EIF3J: variants seen among roughly 807,000 people sequenced by gnomAD.
EIF3J encodes the protein eukaryotic translation initiation factor 3 subunit J.
Under a neutral mutation model 39.0 loss-of-function variants are expected in EIF3J, and 15 were observed. The observed-to-expected ratio is 0.38, with a 90% CI of 0.26 to 0.59. EIF3J has a LOEUF of 0.59. Ranked by LOEUF, EIF3J falls within the 20% of genes least tolerant of loss-of-function variation. The pLI, the probability that EIF3J is intolerant of heterozygous loss-of-function variation, is 0.60. For missense variants in EIF3J, 226 were observed against 308.6 expected (o/e 0.73, Z 2.00); for synonymous variants, 98 against 112.9 (o/e 0.87, Z 0.84).
intron 2 of EIF3J, among the ~76,000 whole-genome samples, chr15:44,543,276 G>T (rs562622922): frequency 6.2e-4 from 94 of 152,222 alleles, no homozygotes; most frequent in Non-Finnish European, 1.0e-3. Context: ...TTCTTTAGGG[G>T]CTTAGTGCTA....
At chr15:44,540,004 A>G (rs2081997671) in intron 2 of EIF3J, among the ~76,000 whole-genome samples, 1 of 145,882 alleles carries the variant, frequency 6.9e-6, no homozygotes. Context: ...CCGTGGCACG[A>G]TCTTGGCTCA....
At position 44,562,734 on chromosome 15, in the gene EIF3J, C is replaced by G. The variant is rs760360481; in HGVS notation, c.*1585C>G. On this transcript the variant is annotated 3_prime_UTR_variant, in exon 8 of 8. Transcript: ENST00000261868. ...TATTTTATTACAGAAAGATCAGTTT[C>G]TAACAAATGAAAATGTATCACCTGT... 1 of 177,134 alleles carries G rather than the reference C, an allele frequency of 5.6e-6. No homozygotes were observed. The highest frequency in any genetic ancestry group is 2.4e-5 in the African/African-American group (1 of 41,868). The allele number at this position is 177,134 out of a possible 1,614,324, so 11.0% of individuals were successfully genotyped here. A position where few individuals can be genotyped will look rare whatever the true frequency, so the allele number is the denominator to read the frequency against.
At chr15:44,556,373 G>T (rs747527897) in intron 5 of EIF3J, among the ~76,000 whole-genome samples, 1 of 151,998 alleles carries the variant, frequency 6.6e-6, no homozygotes, top group Non-Finnish European at 1.5e-5. Flanking sequence ...AAAGGTTCTT[G>T]CTCAGTCATC....
chr15:44,548,682 A>G (rs550097522), intron 2 of EIF3J, among the ~76,000 whole-genome samples: 7 of 152,302 alleles, frequency 4.6e-5, no homozygotes, highest in East Asian at 1.9e-4. Flanking sequence ...TTCTTGCTCT[A>G]TTATCCTGGG....
At chr15:44,545,119 TG>T (rs1241346611) in intron 2 of EIF3J, among the ~76,000 whole-genome samples, 1 of 152,198 alleles carries the variant, frequency 6.6e-6, no homozygotes, top group Admixed American at 6.5e-5. Flanking sequence ...CTTCTCTTTA[TG>T]AGATTCCCAG....
At chr15:44,552,007 G>T (rs2082102893) in intron 4 of EIF3J, among the ~76,000 whole-genome samples, 1 of 152,094 alleles carries the variant, frequency 6.6e-6, no homozygotes, top group Admixed American at 6.5e-5. Flanking sequence ...TATTTTAGTA[G>T]AGATAGGGTT....
chr15:44,554,777 T>C, intron 5 of EIF3J, 110 bp downstream of exon 5: 1 of 565,100 alleles, frequency 1.8e-6, no homozygotes, highest in Non-Finnish European at 3.0e-6. Context: ...CTAATGTAGA[T>C]ATTAGAAAGC....
intron 5 of EIF3J, among the ~76,000 whole-genome samples, chr15:44,556,349 T>C (rs2082144211): frequency 6.6e-6 from 1 of 152,120 alleles, no homozygotes; most frequent in African/African-American, 2.4e-5. Flanking sequence ...ATATGTTGTG[T>C]TTTGTTTTTA....
chr15:44,550,744 C>T (rs1165820174), intron 2 of EIF3J, 132 bp from the exon 3 acceptor site: 2 of 628,762 alleles, frequency 3.2e-6, no homozygotes, highest in African/African-American at 1.8e-5. Flanking sequence ...ATTCCCCCTA[C>T]ATTAATTTAT....
At chr15:44,538,351 A>G (rs2081978725) in intron 2 of EIF3J, among the ~76,000 whole-genome samples, 1 of 151,746 alleles carries the variant, frequency 6.6e-6, no homozygotes, top group South Asian at 2.1e-4. Context: ...GACTCTTATT[A>G]ACAAAGTTCT....
chr15:44,554,181 G>A (rs113706507), intron 4 of EIF3J, among the ~76,000 whole-genome samples: 11 of 151,916 alleles, frequency 7.2e-5, no homozygotes, highest in East Asian at 3.9e-4. Context: ...GTTCAAGACC[G>A]GCCTGGCCAA....
At chr15:44,558,890 T>C (rs371439051) in intron 6 of EIF3J, 3 of 152,158 alleles carry the variant, frequency 2.0e-5, no homozygotes, top group African/African-American at 7.2e-5. Flanking sequence ...TTTTTTCTGG[T>C]TTTTGGAGGT....
chr15:44,553,190 CA>C (rs1189107657), intron 4 of EIF3J, among the ~76,000 whole-genome samples: 141 of 131,294 alleles, frequency 1.1e-3, no homozygotes, highest in Middle Eastern at 4.1e-3. Flanking sequence ...TGCCTCAAAA[CA>C]AAAAAAAAAA....
intron 5 of EIF3J, among the ~76,000 whole-genome samples, chr15:44,556,490 T>C (rs577867876): frequency 1.3e-5 from 2 of 152,124 alleles, no homozygotes; most frequent in South Asian, 4.2e-4. Context: ...TACAGGTGAA[T>C]ATCACCACAC....
intron 4 of EIF3J, among the ~76,000 whole-genome samples, chr15:44,552,972 G>T (rs957698721): frequency 2.0e-5 from 3 of 151,770 alleles, no homozygotes; most frequent in Non-Finnish European, 2.9e-5. Flanking sequence ...TATTGCTTGA[G>T]TCCATGGATT....
intron 4 of EIF3J, among the ~76,000 whole-genome samples, chr15:44,554,130 A>G (rs1406247425): frequency 6.6e-6 from 1 of 152,068 alleles, no homozygotes; most frequent in African/African-American, 2.4e-5. Flanking sequence ...TAATCCCAAC[A>G]CTTTGGGAGG....
In EIF3J at chr15:44,561,859, A is replaced by G. The variant is rs1411336465; in HGVS notation, c.*710A>G. The G allele has an allele frequency of 6.6e-6, 1 of 152,498 alleles. No individual in the cohort carries two copies. Among genetic ancestry groups the G allele is most frequent in the Non-Finnish European group, 1.5e-5 (1 of 67,996 alleles). 9.4% of individuals were successfully genotyped at this position (152,498 alleles called of 1,614,324 possible). A position where few individuals can be genotyped will look rare whatever the true frequency, so the allele number is the denominator to read the frequency against. The stretch of plus-strand genomic sequence containing the variant: ...TGCTTCAGGTGGGGGAGGGAAACTT[A>G]TTTTTATTTGCCTGATTTAAGTGTC... On this transcript the variant is annotated 3_prime_UTR_variant, in exon 8 of 8. Coordinates refer to ENST00000261868, the MANE Select transcript of EIF3J (RefSeq NM_003758.4).
At chr15:44,540,943 C>T (rs1019241314) in intron 2 of EIF3J, among the ~76,000 whole-genome samples, 1 of 152,222 alleles carries the variant, frequency 6.6e-6, no homozygotes, top group Non-Finnish European at 1.5e-5. Flanking sequence ...CAGCACTTTA[C>T]TCTCATTTAG....
intron 2 of EIF3J, among the ~76,000 whole-genome samples, chr15:44,546,816 CTTTTTTTTTTTTTT>C (rs1160471321): frequency 1.3e-5 from 1 of 78,870 alleles, no homozygotes; most frequent in Non-Finnish European, 2.5e-5. Context: ...GAGTATAGAT[CTTTTTTTTTTTTTT>C]TTTTTTTTTT....
Sources: gnomAD v4.1 joint callset for allele counts (sites outside exome capture counted in the v4.1 genomes callset) on GRCh38, gnomAD v4.1.1 for gene constraint, MANE v1.5 for transcripts, NCBI Gene and HGNC (gene_info 2026-07-23, HGNC 2026-07-21) for gene names.